Variants in FRMD3 observed in about 807,000 individuals in gnomAD.
The protein encoded by FRMD3 is FERM domain-containing protein 3.
FRMD3 carries 33 observed loss-of-function variants against 70.2 expected under a neutral mutation model. The observed-to-expected ratio is 0.47, with a 90% CI of 0.36 to 0.63. FRMD3 has a LOEUF of 0.63. Among genes scored for constraint, FRMD3 ranks in the 20% least tolerant of loss-of-function variants. The pLI is 0.00. For synonymous variants in FRMD3, 279 were observed against 255.9 expected, an observed-to-expected ratio of 1.09 and a Z score of -0.86; for missense variants, 632 against 711.4, an observed-to-expected ratio of 0.89 and a Z score of 1.27.
rs1414751273 is a variant in FRMD3, at chr9:83,408,486, T to G, written c.148-18778A>C. 2.0e-5 allele frequency among the ~76,000 whole-genome samples: 3 copies of G among 152,182 alleles called. No individual in the cohort carries two copies. In the East Asian group the frequency reaches 5.8e-4, roughly 29 times the overall value. On this transcript the variant is annotated intron_variant, in intron 1 of 13. Coordinates refer to ENST00000304195, the MANE Select transcript of FRMD3 (RefSeq NM_174938.6). Reference sequence around the variant, plus strand: ...AATGAACATGCCTCCCTCCCATTTCTTGGCACCCAGTGAGACTCCAGAAAC... The same window carrying G: ...AATGAACATGCCTCCCTCCCATTTCGTGGCACCCAGTGAGACTCCAGAAAC...
intron 13 of FRMD3, among the ~76,000 whole-genome samples, chr9:83,255,630 C>T (rs1237306214): frequency 1.3e-5 from 2 of 152,180 alleles, no homozygotes; most frequent in Admixed American, 6.6e-5. Flanking sequence ...AAAACCCCAT[C>T]GTCTCAGCCC....
chr9:83,267,026 G>A, intron 13 of FRMD3: 1 of 1,550,950 alleles, frequency 6.4e-7, no homozygotes, highest in South Asian at 1.2e-5. Context: ...GTTACGAGCT[G>A]TGACCTTGGA....
chr9:83,416,782 T>A (rs977515758), intron 1 of FRMD3, among the ~76,000 whole-genome samples: 1,916 of 99,038 alleles, frequency 0.019, 38 homozygotes, highest in African/African-American at 0.068. Flanking sequence ...TCTCTCTCTC[T>A]CTCTCACTCT....
Position 83,344,911 on chromosome 9 carries a change from G to A in FRMD3, c.375-1624C>T, listed in dbSNP as rs555977791. The stretch of plus-strand genomic sequence containing the variant: ...ACCTCAACTAATAAACGTCTCTAGC[G>A]CCCAAGTAATTTAATCTTTACTCAG... On this transcript the variant is annotated intron_variant, in intron 4 of 13. Transcript: ENST00000304195. 4.6e-5 allele frequency among the ~76,000 whole-genome samples: 7 copies of A among 151,346 alleles called. No individual in the cohort carries two copies. In the East Asian group the frequency reaches 7.8e-4, roughly 17 times the overall value.
intron 1 of FRMD3, among the ~76,000 whole-genome samples, chr9:83,534,063 T>TA (rs1829842710): frequency 6.6e-6 from 1 of 152,190 alleles, no homozygotes. Context: ...AATGAAGAAT[T>TA]AGAGTCAAAC....
chr9:83,443,192 C>G (rs145029245), intron 1 of FRMD3, among the ~76,000 whole-genome samples: 101 of 152,188 alleles, frequency 6.6e-4, no homozygotes, highest in Non-Finnish European at 1.2e-3. Context: ...GCACAATGTG[C>G]AGGTTTGTTA....
At chr9:83,523,322 AATAGATAG>A (rs541002877) in intron 1 of FRMD3, among the ~76,000 whole-genome samples, 3 of 152,094 alleles carry the variant, frequency 2.0e-5, no homozygotes, top group African/African-American at 7.2e-5. Flanking sequence ...TAGATGGATG[AATAGATAG>A]ATAGATAGAT....
chr9:83,406,858 T>C (rs1457409946), intron 1 of FRMD3, among the ~76,000 whole-genome samples: 1 of 152,216 alleles, frequency 6.6e-6, no homozygotes, highest in Non-Finnish European at 1.5e-5. Flanking sequence ...CCTGTTGTTG[T>C]TTTCTGTTTA....
intron 1 of FRMD3, among the ~76,000 whole-genome samples, chr9:83,458,713 TCAAAAGCCAG>T (rs1488804317): frequency 1.3e-5 from 2 of 151,710 alleles, no homozygotes; most frequent in African/African-American, 4.8e-5. Flanking sequence ...ATCTACAAAC[TCAAAAGCCAG>T]CAAAATGCAA....
At chr9:83,357,238 A>ATAT (rs1213344229) in intron 3 of FRMD3, among the ~76,000 whole-genome samples, 1 of 3,980 alleles carries the variant, frequency 2.5e-4, no homozygotes, top group South Asian at 0.02. Flanking sequence ...ATATATATAT[A>ATAT]ATACATACAT....
In FRMD3 at chr9:83,303,266, C is replaced by T. The variant is rs144112107; in HGVS notation, c.927-4080G>A. Among the ~76,000 whole-genome samples, 495 of 152,288 alleles carry T rather than the reference C, an allele frequency of 3.3e-3. 2 individuals are homozygous for T. The highest frequency in any genetic ancestry group is 2.8e-3 in the Non-Finnish European group (190 of 68,034). ...TAATATACAATTCATTTTATCCTCA[C>T]GGCTCTCTACCAGGAGGAAGGGATC... On this transcript the variant is annotated intron_variant, in intron 10 of 13. Coordinates refer to ENST00000304195, the MANE Select transcript of FRMD3 (RefSeq NM_174938.6).
At chr9:83,508,893 C>G (rs1367644697) in intron 1 of FRMD3, among the ~76,000 whole-genome samples, 1 of 152,098 alleles carries the variant, frequency 6.6e-6, no homozygotes, top group Non-Finnish European at 1.5e-5. Flanking sequence ...TGTGTACTAT[C>G]TGGTCTGTTA....
intron 12 of FRMD3, among the ~76,000 whole-genome samples, chr9:83,292,750 T>G (rs1015421417): frequency 2.0e-5 from 3 of 151,888 alleles, no homozygotes; most frequent in African/African-American, 7.3e-5. Context: ...TGGGTTCAAG[T>G]GATTCTCCTC....
intron 4 of FRMD3, among the ~76,000 whole-genome samples, chr9:83,345,827 C>T (rs1402379283): frequency 6.6e-6 from 1 of 152,088 alleles, no homozygotes; most frequent in African/African-American, 2.4e-5. Context: ...GCAGCTCCAT[C>T]AGCCACACTT....
intron 1 of FRMD3, among the ~76,000 whole-genome samples, chr9:83,431,154 T>C (rs1218921651): frequency 6.6e-6 from 1 of 152,232 alleles, no homozygotes; most frequent in Non-Finnish European, 1.5e-5. Context: ...TTCCAGCTTC[T>C]TGGGAATGTC....
chr9:83,249,181 G>T lies in FRMD3; in HGVS notation c.1196-665C>A, dbSNP rs545972205. Among the ~76,000 whole-genome samples, 12 of 148,366 alleles carry T rather than the reference G, an allele frequency of 8.1e-5. 1 individual carries two copies. In the South Asian group the frequency reaches 8.9e-4, roughly 11 times the overall value. ...CATTTAGATTGCTTTGCAGTTGTAA[G>T]GAGAAAATGCTATGAGACATCTTTA... On this transcript the variant is annotated intron_variant, in intron 13 of 13. Transcript: ENST00000304195.
At chr9:83,253,850 G>C (rs979711516) in intron 13 of FRMD3, among the ~76,000 whole-genome samples, 2 of 152,148 alleles carry the variant, frequency 1.3e-5, no homozygotes, top group African/African-American at 2.4e-5. Context: ...CACTGGCAAA[G>C]ACTTGGAACC....
chr9:83,351,323 T>TACACACACACACACACACACACACACAC (rs56407249), intron 3 of FRMD3, among the ~76,000 whole-genome samples: 5 of 143,774 alleles, frequency 3.5e-5, no homozygotes, highest in African/African-American at 5.1e-5. Flanking sequence ...AAACTGATCA[T>TACACACACACACACACACACACACACAC]ACACACACAC....
At chr9:83,293,876 A>G (rs6559718) in intron 12 of FRMD3, among the ~76,000 whole-genome samples, 32,269 of 152,134 alleles carry the variant, frequency 0.21, 3,532 homozygotes, top group African/African-American at 0.26. Flanking sequence ...CCTGATAAGT[A>G]TAAGACTCAG....
Sources: gnomAD v4.1 joint callset for allele counts (sites outside exome capture counted in the v4.1 genomes callset) on GRCh38, gnomAD v4.1.1 for gene constraint, MANE v1.5 for transcripts, NCBI Gene and HGNC (gene_info 2026-07-23, HGNC 2026-07-21) for gene names.